Variants in LIMCH1 observed in about 807,000 individuals in gnomAD.
LIMCH1 encodes LIM and calponin homology domains-containing protein 1.
In LIMCH1, 113 loss-of-function variants were observed where a neutral mutation model predicts 176.5. That is an observed-to-expected ratio of 0.64 (90% CI 0.55 to 0.75). The LOEUF is 0.75. Among genes scored for constraint, LIMCH1 ranks in the 30% least tolerant of loss-of-function variants. LIMCH1 has a pLI of 0.00. For synonymous variants in LIMCH1, 619 were observed against 645.9 expected (o/e 0.96, Z 0.63); for missense variants, 1,674 against 1,814.9 (o/e 0.92, Z 1.41).
At chr4:41,414,835 G>T (rs1012349446) in intron 1 of LIMCH1, among the ~76,000 whole-genome samples, 1 of 152,156 alleles carries the variant, frequency 6.6e-6, no homozygotes, top group Non-Finnish European at 1.5e-5. Context: ...TGTTGTACAC[G>T]TATTGTGGTC....
intron 1 of LIMCH1, among the ~76,000 whole-genome samples, chr4:41,473,362 C>G (rs2067264200): frequency 6.6e-6 from 1 of 152,116 alleles, no homozygotes; most frequent in South Asian, 2.1e-4. Flanking sequence ...TTTAACAAAA[C>G]AGAGAAAGAA....
chr4:41,405,653 A>G (rs543349202), intron 1 of LIMCH1, among the ~76,000 whole-genome samples: 2 of 152,152 alleles, frequency 1.3e-5, no homozygotes, highest in Non-Finnish European at 2.9e-5. Context: ...TAACTTGTGC[A>G]TAGTAGCTGT....
At chr4:41,485,072 C>A (rs1202505384) in intron 1 of LIMCH1, among the ~76,000 whole-genome samples, 1 of 152,196 alleles carries the variant, frequency 6.6e-6, no homozygotes, top group East Asian at 1.9e-4. Context: ...TTTTATATCA[C>A]ATTGTAAACA....
In LIMCH1 at chr4:41,678,235, C is replaced by CTT. The variant is rs58108652; in HGVS notation, c.3520-1761_3520-1760dup. On this transcript the variant is annotated intron_variant, in intron 23 of 31. Transcript: ENST00000503057. ...GTTTATTTTACTTACTTTTTCTTTT[C>CTT]TTTTTTTTTTTCCTAATCCTTTTGG... Among the ~76,000 whole-genome samples the CTT allele has an allele frequency of 8.6e-3, 1,270 of 147,760 alleles. 18 individuals carry two copies. The highest frequency in any genetic ancestry group is 0.03 in the African/African-American group (1,193 of 40,382).
intron 1 of LIMCH1, among the ~76,000 whole-genome samples, chr4:41,451,206 C>T (rs987821047): frequency 1.5e-4 from 23 of 152,300 alleles, no homozygotes; most frequent in East Asian, 1.9e-4. Flanking sequence ...ACCTCCGCCT[C>T]CCGGGTTCAA....
chr4:41,441,819 G>A (rs1334734326), intron 1 of LIMCH1, among the ~76,000 whole-genome samples: 1 of 152,134 alleles, frequency 6.6e-6, no homozygotes, highest in African/African-American at 2.4e-5. Context: ...TAGTTTGCTA[G>A]TATAAACTAA....
chr4:41,379,272 G>A (rs2055269291), intron 1 of LIMCH1, among the ~76,000 whole-genome samples: 1 of 152,168 alleles, frequency 6.6e-6, no homozygotes, highest in South Asian at 2.1e-4. Flanking sequence ...TATGCAGGAG[G>A]CCTCAGTACT....
At chr4:41,551,351 T>A (rs2080390483) in intron 1 of LIMCH1, 1 of 152,194 alleles carries the variant, frequency 6.6e-6, no homozygotes, top group African/African-American at 2.4e-5. Flanking sequence ...AAGTGCATGA[T>A]TCTTAAAATT....
chr4:41,644,655 CG>C, intron 15 of LIMCH1, 29 bp downstream of exon 15: 1 of 1,582,074 alleles, frequency 6.3e-7, no homozygotes, highest in Non-Finnish European at 8.6e-7. Context: ...GCGCGGGCAG[CG>C]GGGAGGCTTC....
At chr4:41,470,548 CT>C (rs2066799980) in intron 1 of LIMCH1, among the ~76,000 whole-genome samples, 1 of 152,164 alleles carries the variant, frequency 6.6e-6, no homozygotes, top group Non-Finnish European at 1.5e-5. Context: ...TATGCTATTC[CT>C]CCTTTATCCA....
intron 3 of LIMCH1, among the ~76,000 whole-genome samples, chr4:41,524,658 C>G (rs981324738): frequency 1.3e-5 from 2 of 152,180 alleles, no homozygotes; most frequent in Admixed American, 1.3e-4. Context: ...GCCTAAATGG[C>G]ATGTTAATCT....
At chr4:41,392,962 G>T (rs761002249) in intron 1 of LIMCH1, among the ~76,000 whole-genome samples, 3 of 152,118 alleles carry the variant, frequency 2.0e-5, no homozygotes, top group Non-Finnish European at 4.4e-5. Flanking sequence ...TCTGGGAGGC[G>T]GAGGTTGCAG....
intron 1 of LIMCH1, among the ~76,000 whole-genome samples, chr4:41,543,605 C>T (rs2078970480): frequency 6.6e-6 from 1 of 152,146 alleles, no homozygotes; most frequent in African/African-American, 2.4e-5. Context: ...TTTTGACCAC[C>T]TTATGAGCAT....
intron 1 of LIMCH1, among the ~76,000 whole-genome samples, chr4:41,442,617 A>G (rs904069357): frequency 2.6e-5 from 4 of 152,224 alleles, no homozygotes; most frequent in African/African-American, 9.6e-5. Context: ...CATTTTTCAA[A>G]CAGGTACTCT....
intron 1 of LIMCH1, among the ~76,000 whole-genome samples, chr4:41,438,380 T>TC (rs1044625954): frequency 1.3e-5 from 2 of 151,972 alleles, no homozygotes; most frequent in African/African-American, 4.8e-5. Context: ...TCTTTTCTTT[T>TC]TTTTTTTTTG....
At chr4:41,573,420 TC>T (rs753041183) in intron 1 of LIMCH1, among the ~76,000 whole-genome samples, 1 of 152,222 alleles carries the variant, frequency 6.6e-6, no homozygotes, top group Non-Finnish European at 1.5e-5. Flanking sequence ...TTGACATTCC[TC>T]TAGTAATTTC....
intron 1 of LIMCH1, among the ~76,000 whole-genome samples, chr4:41,569,398 G>A (rs745353549): frequency 3.3e-5 from 5 of 152,160 alleles, no homozygotes; most frequent in African/African-American, 4.8e-5. Context: ...CATTTTGCCC[G>A]AAGTTGGAGG....
intron 1 of LIMCH1, among the ~76,000 whole-genome samples, chr4:41,568,396 A>T (rs2083060712): frequency 6.6e-6 from 1 of 152,224 alleles, no homozygotes; most frequent in South Asian, 2.1e-4. Flanking sequence ...GATGCACCGG[A>T]GTTACAACAC....
rs1284859561 is a variant in LIMCH1, at chr4:41,619,970, TATTTATTC to T, written c.459-444_459-437del. On this transcript the variant is annotated intron_variant, in intron 6 of 31. Coordinates refer to ENST00000503057, the MANE Select transcript of LIMCH1 (RefSeq NM_001330672.2). ...TAATCTCTGATTATGCTTTTGTATTTATTTATTCATTTATTCAGCAAGTACTTATTGAG... is the reference window on the plus strand; with the variant it reads ...TAATCTCTGATTATGCTTTTGTATTTATTTATTCAGCAAGTACTTATTGAG... The T allele has an allele frequency of 3.3e-5, 6 of 184,104 alleles. 1 individual carries two copies. The highest frequency in any genetic ancestry group is 2.6e-3 in the Middle Eastern group (1 of 388). 11.4% of individuals were successfully genotyped at this position (184,104 alleles called of 1,614,324 possible).
Sources: gnomAD v4.1 joint callset for allele counts (sites outside exome capture counted in the v4.1 genomes callset) on GRCh38, gnomAD v4.1.1 for gene constraint, MANE v1.5 for transcripts, NCBI Gene and HGNC (gene_info 2026-07-23, HGNC 2026-07-21) for gene names.